ZNF341: variants seen among roughly 807,000 people sequenced by gnomAD.
ZNF341 encodes the protein zinc finger protein 341.
A neutral mutation model predicts 87.7 loss-of-function variants in ZNF341; 52 were observed. That is an observed-to-expected ratio of 0.59 (90% CI 0.47 to 0.75). ZNF341 has a LOEUF of 0.75. Among genes scored for constraint, ZNF341 ranks in the 30% least tolerant of loss-of-function variants. The pLI, the probability that ZNF341 is intolerant of heterozygous loss-of-function variation, is 0.00. For synonymous variants in ZNF341, 459 were observed against 472.7 expected (o/e 0.97, Z 0.38); for missense variants, 977 against 1,145.9 (o/e 0.85, Z 2.13).
At chr20:33,751,722 G>A (rs766704472) in intron 4 of ZNF341, among the ~76,000 whole-genome samples, 1 of 151,976 alleles carries the variant, frequency 6.6e-6, no homozygotes, top group Non-Finnish European at 1.5e-5. Flanking sequence ...CTACAGGTGT[G>A]CACCACTATG....
chr20:33,791,535 T>A lies in ZNF341; in HGVS notation c.*18T>A, dbSNP rs116099836. The A allele has an allele frequency of 1.3e-6, 2 of 1,529,130 alleles. No individual in the cohort carries two copies. Among genetic ancestry groups the A allele is most frequent in the East Asian group, 4.6e-5 (2 of 43,940 alleles). The allele number at this position is 1,529,130 out of a possible 1,614,324, so 94.7% of individuals were successfully genotyped here. A position where few individuals can be genotyped will look rare whatever the true frequency, so the allele number is the denominator to read the frequency against. ...CCGAGTGACGGACCTGAGGTGTCTG[T>A]TTCCTGGGCAGGCCTGATGCTCCTG... On this transcript the variant is annotated 3_prime_UTR_variant, in exon 15 of 15. Coordinates refer to ENST00000375200, the MANE Select transcript of ZNF341 (RefSeq NM_001282933.2).
intron 11 of ZNF341, among the ~76,000 whole-genome samples, chr20:33,781,760 T>G (rs762344895): frequency 1.3e-5 from 2 of 152,004 alleles, no homozygotes; most frequent in African/African-American, 2.4e-5. Flanking sequence ...TGCAGTGGTT[T>G]GATCATGGCT....
chr20:33,757,928 G>C (rs2019215204), intron 6 of ZNF341, among the ~76,000 whole-genome samples: 1 of 152,160 alleles, frequency 6.6e-6, no homozygotes, highest in Non-Finnish European at 1.5e-5. Flanking sequence ...TCCTAATGCA[G>C]ATGCTAAGTA....
intron 10 of ZNF341, among the ~76,000 whole-genome samples, chr20:33,770,521 T>C (rs2019509119): frequency 6.6e-6 from 1 of 152,124 alleles, no homozygotes; most frequent in African/African-American, 2.4e-5. Flanking sequence ...GGCAGACATT[T>C]TTCCCAAAAA....
intron 4 of ZNF341, chr20:33,752,108 GC>G (rs11477069): frequency 0.23 from 79,911 of 343,072 alleles, 9,032 homozygotes; most frequent in East Asian, 0.55. Flanking sequence ...CTGCAAGCAA[GC>G]CCCCCCCCCT....
Position 33,753,254 on chromosome 20 carries a change from C to G in ZNF341, c.572C>G (p.Pro191Arg). Residue 191 changes from proline (P) to arginine (R), a missense_variant, in exon 5 of 15, where the codon CCG (proline) becomes CGG (arginine). By Grantham distance (103) the Pro-to-Arg change is moderately radical. Around this residue, in one of 3 missense-constraint regions of ZNF341, gnomAD observed 515 missense variants for 598.2 expected, o/e 0.86. Coordinates refer to ENST00000375200, the MANE Select transcript of ZNF341 (RefSeq NM_001282933.2). The part of the protein sequence containing the change: ...PPPPPPPLPP[P>R]PPPQPPPPPP... Reference sequence around the variant, plus strand: ...CCACCTCCTCCACCACTGCCCCCACCGCCACCACCTCAGCCTCCACCACCT... The same window carrying G: ...CCACCTCCTCCACCACTGCCCCCACGGCCACCACCTCAGCCTCCACCACCT... 6.2e-7 allele frequency: 1 copy of G among 1,611,800 alleles called. No homozygotes were observed. Among genetic ancestry groups the G allele is most frequent in the Non-Finnish European group, 8.5e-7 (1 of 1,179,878 alleles).
intron 6 of ZNF341, among the ~76,000 whole-genome samples, 155 bp downstream of exon 6, chr20:33,757,498 C>G (rs1008225150): frequency 6.6e-6 from 1 of 152,134 alleles, no homozygotes; most frequent in African/African-American, 2.4e-5. Context: ...AATTTTGTTT[C>G]TCTCCTGTGT....
At position 33,770,298 on chromosome 20, in the gene ZNF341, T is replaced by C. The variant is rs115201706; in HGVS notation, c.1622+6T>C. ...AAGGACAATGCCGTCTACAAGTAAG[T>C]GCCTCCTGCTTCCCTCTCCCTGGGT... On this transcript the variant is annotated splice_donor_region_variant and intron_variant, in intron 10 of 14. Transcript: ENST00000375200. The C allele has an allele frequency of 8.8e-4, 920 of 1,046,720 alleles. 7 individuals are homozygous for C. In the African/African-American group the frequency reaches 0.013, roughly 15 times the overall value. The allele number at this position is 1,046,720 out of a possible 1,614,324, so 64.8% of individuals were successfully genotyped here.
chr20:33,748,064 A>G (rs1422322666), intron 3 of ZNF341, among the ~76,000 whole-genome samples: 1 of 151,686 alleles, frequency 6.6e-6, no homozygotes, highest in Non-Finnish European at 1.5e-5. Context: ...TCTAGCATAG[A>G]TACAAGGAAG....
chr20:33,758,858 A>G (rs770816419), intron 7 of ZNF341, 52 bp downstream of exon 7: 16 of 1,524,402 alleles, frequency 1.0e-5, no homozygotes, highest in East Asian at 4.5e-5. Flanking sequence ...GGCTGGGACC[A>G]TCTGTGCTGG....
chr20:33,760,180 A>C (rs2019263201), intron 7 of ZNF341, among the ~76,000 whole-genome samples: 1 of 152,160 alleles, frequency 6.6e-6, no homozygotes, highest in African/African-American at 2.4e-5. Flanking sequence ...AGGTGGGTAG[A>C]TCACTTGAGG....
chr20:33,752,117 C>CCA (rs1555873505), intron 4 of ZNF341: 1 of 386,654 alleles, frequency 2.6e-6, no homozygotes, highest in Non-Finnish European at 5.0e-6. Flanking sequence ...AGCCCCCCCC[C>CCA]CTTTTTTTTT....
chr20:33,789,078 C>CTT (rs397692441), intron 13 of ZNF341, 104 bp downstream of exon 13: 1,708 of 601,844 alleles, frequency 2.8e-3, no homozygotes, highest in Middle Eastern at 4.1e-3. Context: ...CAGGCCTCTC[C>CTT]TTTTTTTTTT....
At chr20:33,746,963 C>T (rs777931293) in intron 3 of ZNF341, among the ~76,000 whole-genome samples, 2 of 152,084 alleles carry the variant, frequency 1.3e-5, no homozygotes, top group East Asian at 1.9e-4. Flanking sequence ...AACCTTTAAA[C>T]GGAGGCAGTG....
Position 33,732,068 on chromosome 20 carries a change from G to T in ZNF341, c.31+16G>T. 2 of 1,267,192 alleles carry T rather than the reference G, an allele frequency of 1.6e-6. No individual in the cohort carries two copies. 78.5% of individuals were successfully genotyped at this position (1,267,192 alleles called of 1,614,324 possible). A position where few individuals can be genotyped will look rare whatever the true frequency, so the allele number is the denominator to read the frequency against. On this transcript the variant is annotated intron_variant, in intron 1 of 14. Coordinates refer to ENST00000375200, the MANE Select transcript of ZNF341 (RefSeq NM_001282933.2). This position sits in a 1 kb window ranked among gnomAD's most constrained non-coding sequence, Gnocchi z 4.5. ...GCCCTGGAGGGTGAGCGGCGGCGGG[G>T]CCGGCGGAGGCGGCTGTTCCGCGCT...
At chr20:33,757,094 G>A in intron 5 of ZNF341, 54 bp from the exon 6 acceptor site, 2 of 1,348,184 alleles carry the variant, frequency 1.5e-6, no homozygotes, top group Non-Finnish European at 1.9e-6. Flanking sequence ...CCCTGGCTGG[G>A]AGCTCTTCCC....
At chr20:33,771,438 G>T (rs1364041596) in intron 10 of ZNF341, among the ~76,000 whole-genome samples, 1 of 151,544 alleles carries the variant, frequency 6.6e-6, no homozygotes, top group Non-Finnish European at 1.5e-5. Flanking sequence ...TAGAGACGGG[G>T]TTTCGCCATG....
intron 3 of ZNF341, among the ~76,000 whole-genome samples, chr20:33,746,586 G>C (rs1413880953): frequency 6.6e-6 from 1 of 152,012 alleles, no homozygotes; most frequent in Non-Finnish European, 1.5e-5. Flanking sequence ...TCAAGCAGAG[G>C]AGGGACATAG....
At chr20:33,770,343 G>GGGGGGGCCTGGC in intron 10 of ZNF341, 51 bp downstream of exon 10, 5 of 511,252 alleles carry the variant, frequency 9.8e-6, no homozygotes, top group Admixed American at 2.0e-5. Context: ...GGTGGGCAGG[G>GGGGGGGCCTGGC]AGCCCAGGGC....
Sources: gnomAD v4.1 joint callset for allele counts (sites outside exome capture counted in the v4.1 genomes callset) on GRCh38, gnomAD v4.1.1 for gene constraint, gnomAD v4.1.1 regional missense constraint, Gnocchi (gnomAD v3.1) non-coding constraint, MANE v1.5 for transcripts, NCBI Gene and HGNC (gene_info 2026-07-23, HGNC 2026-07-21) for gene names.